Variants in RORB observed in about 807,000 individuals in gnomAD.
RORB encodes nuclear receptor ROR-beta.
Under a neutral mutation model 59.1 loss-of-function variants are expected in RORB, and 6 were observed. The ratio of observed to expected loss-of-function variants is 0.10; its 90% CI spans 0.06 to 0.20. RORB has a LOEUF of 0.20. RORB is among the 10% of genes least tolerant of loss of function. The pLI is 1.00. For synonymous variants in RORB, 215 were observed against 204.5 expected (o/e 1.05, Z -0.44); for missense variants, 320 against 560.5 (o/e 0.57, Z 4.33).
intron 2 of RORB, 124 bp downstream of exon 2, chr9:74,630,491 A>T: frequency 1.1e-3 from 416 of 386,052 alleles, no homozygotes; most frequent in East Asian, 1.6e-3. Context: ...GCTGACATTC[A>T]GGAATTCTTG....
At chr9:74,603,679 C>T (rs983809861) in intron 1 of RORB, among the ~76,000 whole-genome samples, 12 of 152,172 alleles carry the variant, frequency 7.9e-5, no homozygotes, top group Non-Finnish European at 5.9e-5. Context: ...TAGTCCATTA[C>T]TAGGAGTTAT....
At chr9:74,577,167 T>C (rs1460624850) in intron 1 of RORB, among the ~76,000 whole-genome samples, 3 of 152,096 alleles carry the variant, frequency 2.0e-5, no homozygotes. Flanking sequence ...AGCAATTGAA[T>C]TTTGCTGGGT....
chr9:74,666,695 C>T (rs1824271530), intron 7 of RORB, among the ~76,000 whole-genome samples: 1 of 152,052 alleles, frequency 6.6e-6, no homozygotes, highest in Non-Finnish European at 1.5e-5. Context: ...TGTTTCTCAC[C>T]CACAGAAGTT....
intron 1 of RORB, among the ~76,000 whole-genome samples, chr9:74,590,269 T>G (rs1822867667): frequency 6.6e-6 from 1 of 152,168 alleles, no homozygotes; most frequent in African/African-American, 2.4e-5. Context: ...TCTCAGTGCC[T>G]AGGTTTGTGC....
intron 1 of RORB, among the ~76,000 whole-genome samples, chr9:74,584,165 G>A (rs1359074): frequency 0.96 from 145,926 of 152,266 alleles, 70,240 homozygotes; most frequent in East Asian, 1. Flanking sequence ...AGTGCAGCAA[G>A]TCATGCAGAA....
At chr9:74,636,130 T>A (rs1182883941) in intron 3 of RORB, among the ~76,000 whole-genome samples, 2 of 152,100 alleles carry the variant, frequency 1.3e-5, no homozygotes, top group Admixed American at 6.6e-5. Context: ...TTTATAGCAA[T>A]GGGTACTTCT....
In RORB at chr9:74,554,805, A is replaced by T. The variant is rs76673422; in HGVS notation, c.7+56822A>T. 4.8e-3 allele frequency among the ~76,000 whole-genome samples: 733 copies of T among 152,294 alleles called. 8 individuals are homozygous for T. The highest frequency in any genetic ancestry group is 0.017 in the African/African-American group (710 of 41,556). ...GCCCCCTGCTTTCTCTGCTAGTAAG[A>T]TGGCATTAAGAATTCAGTCCCCACT... On this transcript the variant is annotated intron_variant, in intron 1 of 9. Coordinates refer to ENST00000376896, the MANE Select transcript of RORB (RefSeq NM_006914.4).
At chr9:74,608,627 T>C (rs1023845282) in intron 1 of RORB, among the ~76,000 whole-genome samples, 5 of 152,072 alleles carry the variant, frequency 3.3e-5, no homozygotes, top group African/African-American at 1.2e-4. Flanking sequence ...GTTATCTGTA[T>C]AACTTTCCCT....
chr9:74,520,611 T>C (rs1265242016), intron 1 of RORB, among the ~76,000 whole-genome samples: 1 of 151,956 alleles, frequency 6.6e-6, no homozygotes, highest in East Asian at 1.9e-4. Context: ...TGAGATAAAT[T>C]ACCAGGTTCT....
At chr9:74,677,836 G>A (rs756141979) in intron 9 of RORB, among the ~76,000 whole-genome samples, 2 of 152,142 alleles carry the variant, frequency 1.3e-5, no homozygotes, top group East Asian at 1.9e-4. Context: ...AAACATTCAC[G>A]TGGAAATAGG....
At chr9:74,580,653 T>G (rs1822708656) in intron 1 of RORB, among the ~76,000 whole-genome samples, 1 of 152,150 alleles carries the variant, frequency 6.6e-6, no homozygotes, top group Non-Finnish European at 1.5e-5. Flanking sequence ...CAAAATATGT[T>G]CATCAGGGAT....
At chr9:74,578,712 A>G (rs900738197) in intron 1 of RORB, among the ~76,000 whole-genome samples, 2 of 152,120 alleles carry the variant, frequency 1.3e-5, no homozygotes, top group Non-Finnish European at 2.9e-5. Context: ...TATTAATACC[A>G]TATACCACAA....
chr9:74,510,352 T>A (rs975532941), intron 1 of RORB, among the ~76,000 whole-genome samples: 1 of 152,196 alleles, frequency 6.6e-6, no homozygotes, highest in Admixed American at 6.5e-5. Flanking sequence ...ATGTAAAATA[T>A]CTTCTTTGCT....
intron 9 of RORB, among the ~76,000 whole-genome samples, chr9:74,683,829 A>T (rs751943965): frequency 6.6e-6 from 1 of 152,084 alleles, no homozygotes; most frequent in Non-Finnish European, 1.5e-5. Flanking sequence ...TTATTTCATC[A>T]GTTTCATCAA....
chr9:74,657,345 G>T (rs1037406153), intron 4 of RORB, among the ~76,000 whole-genome samples: 1 of 152,034 alleles, frequency 6.6e-6, no homozygotes, highest in Non-Finnish European at 1.5e-5. Flanking sequence ...GATTACAGGC[G>T]TGAGCCACTG....
intron 1 of RORB, among the ~76,000 whole-genome samples, chr9:74,512,694 G>A (rs1171392865): frequency 6.6e-6 from 1 of 152,150 alleles, no homozygotes; most frequent in Non-Finnish European, 1.5e-5. Context: ...TGCTGAGATT[G>A]AGAAATGTTG....
At chr9:74,541,392 A>C (rs1011581953) in intron 1 of RORB, among the ~76,000 whole-genome samples, 1 of 151,952 alleles carries the variant, frequency 6.6e-6, no homozygotes, top group Non-Finnish European at 1.5e-5. Context: ...TGGGCTCTAT[A>C]TTAAACAATT....
At chr9:74,616,833 T>TAC (rs764800181) in intron 1 of RORB, among the ~76,000 whole-genome samples, 27 of 150,620 alleles carry the variant, frequency 1.8e-4, no homozygotes, top group African/African-American at 3.9e-4. Flanking sequence ...TATGTGCACA[T>TAC]ACACACACAC....
chr9:74,631,154 G>A (rs913426298), intron 2 of RORB, among the ~76,000 whole-genome samples: 2 of 152,172 alleles, frequency 1.3e-5, no homozygotes, highest in Non-Finnish European at 2.9e-5. Flanking sequence ...AGCAGTAAAC[G>A]TAGACTTAAT....
Sources: allele counts gnomAD v4.1 joint callset (sites outside exome capture counted in the v4.1 genomes callset), GRCh38; gene constraint gnomAD v4.1.1; transcripts MANE v1.5; gene names NCBI Gene and HGNC (gene_info 2026-07-23, HGNC 2026-07-21).